STX18: variants seen among roughly 807,000 people sequenced by gnomAD.
STX18 encodes the protein syntaxin-18.
A neutral mutation model predicts 50.1 loss-of-function variants in STX18; 40 were observed. That is an observed-to-expected ratio of 0.80 (90% CI 0.62 to 1.04). The LOEUF (loss-of-function observed/expected upper bound fraction) is 1.04. STX18 is among the 50% of genes least tolerant of loss of function. The pLI, the probability that STX18 is intolerant of heterozygous loss-of-function variation, is 0.00. For missense variants in STX18, 410 were observed against 415.8 expected, an observed-to-expected ratio of 0.99 and a Z score of 0.12; for synonymous variants, 158 against 151.8, an observed-to-expected ratio of 1.04 and a Z score of -0.30.
At chr4:4,487,849 G>T (rs1728765639) in intron 1 of STX18, among the ~76,000 whole-genome samples, 1 of 152,124 alleles carries the variant, frequency 6.6e-6, no homozygotes, top group Admixed American at 6.6e-5. Flanking sequence ...AGTCCAAAAA[G>T]AACTATGTCT....
intron 1 of STX18, among the ~76,000 whole-genome samples, chr4:4,509,398 T>C (rs1157422114): frequency 2.0e-5 from 3 of 152,200 alleles, no homozygotes; most frequent in Non-Finnish European, 4.4e-5. Flanking sequence ...TGCCCACTTT[T>C]TAAAGGGTTT....
At chr4:4,440,047 G>A (rs1395675860) in intron 5 of STX18, among the ~76,000 whole-genome samples, 1 of 152,192 alleles carries the variant, frequency 6.6e-6, no homozygotes, top group Non-Finnish European at 1.5e-5. Context: ...GAATGAATGA[G>A]TGCATTATAA....
chr4:4,464,167 A>C (rs1727510623), intron 2 of STX18, among the ~76,000 whole-genome samples: 1 of 152,208 alleles, frequency 6.6e-6, no homozygotes, highest in African/African-American at 2.4e-5. Flanking sequence ...GTCAAATCCA[A>C]CTTTTTCATT....
intron 5 of STX18, among the ~76,000 whole-genome samples, chr4:4,438,997 CCACA>C (rs955967760): frequency 2.0e-5 from 3 of 146,620 alleles, no homozygotes; most frequent in Non-Finnish European, 4.5e-5. Flanking sequence ...TATACACACA[CCACA>C]CACACACATA....
intron 7 of STX18, among the ~76,000 whole-genome samples, chr4:4,433,534 TAA>T (rs10676475): frequency 8.1e-5 from 9 of 111,048 alleles, no homozygotes; most frequent in Admixed American, 1.9e-4. Context: ...AAAAATAAAT[TAA>T]AAAAAAAAAA....
chr4:4,507,601 T>C lies in STX18; in HGVS notation c.168+34196A>G. 3.9e-6 allele frequency: 3 copies of C among 764,534 alleles called. No individual in the cohort carries two copies. In the South Asian group the frequency reaches 4.1e-5, roughly 10 times the overall value. 47.4% of individuals were successfully genotyped at this position (764,534 alleles called of 1,614,324 possible). ...CACGACGCAAGCCTTGAGGACTTGATCTTCCCAAGCGAAATTGTGGGCAAG... is the reference window on the plus strand; with the variant it reads ...CACGACGCAAGCCTTGAGGACTTGACCTTCCCAAGCGAAATTGTGGGCAAG... On this transcript the variant is annotated intron_variant, in intron 1 of 10. Coordinates refer to ENST00000306200, the MANE Select transcript of STX18 (RefSeq NM_016930.4).
intron 1 of STX18, among the ~76,000 whole-genome samples, chr4:4,502,203 T>A (rs888027099): frequency 6.6e-6 from 1 of 152,006 alleles, no homozygotes; most frequent in Non-Finnish European, 1.5e-5. Flanking sequence ...ATGACAGCAC[T>A]TTTTTTTAAT....
At chr4:4,500,428 C>T (rs1299954096) in intron 1 of STX18, among the ~76,000 whole-genome samples, 1 of 152,104 alleles carries the variant, frequency 6.6e-6, no homozygotes, top group Non-Finnish European at 1.5e-5. Context: ...CAACTATTTA[C>T]ATAGTACATA....
At chr4:4,541,721 T>A in intron 1 of STX18, 76 bp downstream of exon 1, 1 of 1,508,040 alleles carries the variant, frequency 6.6e-7, no homozygotes, top group Non-Finnish European at 8.9e-7. Context: ...CGGGACGGGG[T>A]CTGGTTTGGG....
chr4:4,513,453 G>T (rs1213988317), intron 1 of STX18, among the ~76,000 whole-genome samples: 1 of 152,286 alleles, frequency 6.6e-6, no homozygotes, highest in East Asian at 1.9e-4. Context: ...AAAGGAAAGT[G>T]TGGGGGATTT....
intron 1 of STX18, among the ~76,000 whole-genome samples, chr4:4,479,202 C>G (rs964635939): frequency 5.9e-5 from 9 of 152,164 alleles, no homozygotes; most frequent in Admixed American, 5.2e-4. Context: ...TTTGCTTCTC[C>G]TAACAATCCC....
Position 4,420,374 on chromosome 4 carries a change from A to C in STX18, c.913-245T>G. 2.0e-6 allele frequency: 1 copy of C among 497,632 alleles called. No homozygotes were observed. The highest frequency in any genetic ancestry group is 3.6e-6 in the Non-Finnish European group (1 of 274,882). The allele number at this position is 497,632 out of a possible 1,614,324, so 30.8% of individuals were successfully genotyped here. A position where few individuals can be genotyped will look rare whatever the true frequency, so the allele number is the denominator to read the frequency against. The stretch of plus-strand genomic sequence containing the variant: ...CTCCCTCAACACAACTCTCGGAATC[A>C]CTCCCTTCTGTCCCAGGGTTAAGGG... On this transcript the variant is annotated intron_variant, in intron 10 of 10. Transcript: ENST00000306200. The surrounding 1 kb of genome is among the most constrained non-coding windows in gnomAD (Gnocchi z 4.3).
chr4:4,425,052 C>T, intron 8 of STX18, 112 bp downstream of exon 8: 3 of 962,906 alleles, frequency 3.1e-6, no homozygotes, highest in Non-Finnish European at 3.3e-6. Flanking sequence ...AGGGGGGCTG[C>T]ACCAGCCCAA....
chr4:4,425,513 G>A (rs1024643302), intron 7 of STX18: 72 of 528,310 alleles, frequency 1.4e-4, no homozygotes, highest in East Asian at 6.3e-5. Flanking sequence ...CTACCTACCC[G>A]CTCTCCCCTG....
chr4:4,475,608 A>G (rs760198502), intron 1 of STX18, among the ~76,000 whole-genome samples: 1 of 152,220 alleles, frequency 6.6e-6, no homozygotes, highest in Non-Finnish European at 1.5e-5. Context: ...GTTTAATCAC[A>G]TGACTACCAT....
chr4:4,421,025 T>A, intron 9 of STX18, 81 bp from the exon 10 acceptor site: 2 of 1,353,774 alleles, frequency 1.5e-6, no homozygotes, highest in Non-Finnish European at 2.1e-6. Context: ...GAGCATTTCC[T>A]TTGAGTGTCA....
intron 5 of STX18, among the ~76,000 whole-genome samples, chr4:4,440,410 C>T (rs1268764781): frequency 2.0e-5 from 3 of 152,096 alleles, no homozygotes; most frequent in East Asian, 3.9e-4. Context: ...AGGAAACTTG[C>T]CCAGGTCACA....
intron 1 of STX18, among the ~76,000 whole-genome samples, chr4:4,506,544 GGGA>G (rs1181734292): frequency 6.6e-6 from 1 of 152,176 alleles, no homozygotes; most frequent in African/African-American, 2.4e-5. Flanking sequence ...CGGACAGCAT[GGGA>G]GTTTCTGAAG....
In STX18 at chr4:4,420,621, C is replaced by A; in HGVS notation, c.912+243G>T. 1.9e-6 allele frequency: 1 copy of A among 526,100 alleles called. No homozygotes were observed. The highest frequency in any genetic ancestry group is 3.4e-6 in the Non-Finnish European group (1 of 297,494). 32.6% of individuals were successfully genotyped at this position (526,100 alleles called of 1,614,324 possible). ...TGGCCTGACCCTGCCAGGAGTACCC[C>A]CACCCACCCTGGATTGCTCCTTTGG... is the stretch of plus-strand genomic sequence containing the variant. On this transcript the variant is annotated intron_variant, in intron 10 of 10. Coordinates refer to ENST00000306200, the MANE Select transcript of STX18 (RefSeq NM_016930.4). The surrounding 1 kb of genome is among the most constrained non-coding windows in gnomAD (Gnocchi z 4.3).
Sources: gnomAD v4.1 joint callset for allele counts (sites outside exome capture counted in the v4.1 genomes callset) on GRCh38, gnomAD v4.1.1 for gene constraint, Gnocchi (gnomAD v3.1) non-coding constraint, MANE v1.5 for transcripts, NCBI Gene and HGNC (gene_info 2026-07-23, HGNC 2026-07-21) for gene names.